Variants in CAMTA1 observed in about 807,000 individuals in gnomAD.
The protein encoded by CAMTA1 is calmodulin binding transcription activator 1, also known as calmodulin-binding transcription activator 1.
Under a neutral mutation model 170.9 loss-of-function variants are expected in CAMTA1, and 27 were observed. That is an observed-to-expected ratio of 0.16 (90% CI 0.12 to 0.22). CAMTA1 has a LOEUF of 0.22. Among genes scored for constraint, CAMTA1 ranks in the 10% least tolerant of loss-of-function variants. The pLI is 1.00. For missense variants in CAMTA1, 1,619 were observed against 2,217.2 expected (o/e 0.73, Z 5.42); for synonymous variants, 833 against 891.5 (o/e 0.93, Z 1.17).
In CAMTA1 at chr1:6,974,939, A is replaced by G. The variant is rs143258846; in HGVS notation, c.235-116365A>G. ...ATAAGGCTTGCTATCTTCCTTGGAC[A>G]AGGGGAAAATAACTCTCCTTCACTT... On this transcript the variant is annotated intron_variant, in intron 3 of 22. Coordinates refer to ENST00000303635, the MANE Select transcript of CAMTA1 (RefSeq NM_015215.4). Among the ~76,000 whole-genome samples the G allele has an allele frequency of 8.7e-4, 133 of 152,356 alleles. 1 individual carries two copies. The highest frequency in any genetic ancestry group is 3.1e-3 in the African/African-American group (128 of 41,586).
rs187824923 is a variant in CAMTA1, at chr1:6,821,766, T to C, written c.115+1516T>C. Among the ~76,000 whole-genome samples the C allele has an allele frequency of 2.6e-5, 4 of 152,298 alleles. No homozygotes were observed. The East Asian group carries it at 7.7e-4, about 29-fold the overall frequency. On this transcript the variant is annotated intron_variant, in intron 2 of 22. Coordinates refer to ENST00000303635, the MANE Select transcript of CAMTA1 (RefSeq NM_015215.4). ...TTTCGAAGGAAAAGGTCAAATACAT[T>C]TCTTTGGATTTAAGTAAAGGATTTG...
rs200511196 is a variant in CAMTA1 at position 6,935,354 on chromosome 1, A to T, written c.234+110144A>T. Among the ~76,000 whole-genome samples, 8 of 152,258 alleles carry T rather than the reference A, an allele frequency of 5.3e-5. No individual in the cohort carries two copies. The East Asian group carries it at 1.5e-3, about 29-fold the overall frequency. ...TGTGTTCACTGCCAGCTGACAAAAG[A>T]GGCGAGTCCAGATTTATTACCCTGG... On this transcript the variant is annotated intron_variant, in intron 3 of 22. Transcript: ENST00000303635.
chr1:6,886,109 C>T (rs527833301), intron 3 of CAMTA1: 35 of 406,778 alleles, frequency 8.6e-5, no homozygotes, highest in Admixed American at 1.7e-4. Context: ...CTTGAGCCCA[C>T]CATCTGCACG....
chr1:7,551,496 C>T (rs1015447170), intron 6 of CAMTA1, among the ~76,000 whole-genome samples: 1 of 152,194 alleles, frequency 6.6e-6, no homozygotes, highest in African/African-American at 2.4e-5. Flanking sequence ...TGGCCTTGAG[C>T]TCCAGAGAAC....
intron 5 of CAMTA1, among the ~76,000 whole-genome samples, chr1:7,303,031 C>T (rs901483944): frequency 2.0e-5 from 3 of 152,134 alleles, no homozygotes; most frequent in Non-Finnish European, 4.4e-5. Context: ...TGTCCTCATT[C>T]ATGACTGAGG....
intron 3 of CAMTA1, among the ~76,000 whole-genome samples, chr1:7,020,475 A>T (rs1157831110): frequency 6.6e-6 from 1 of 152,218 alleles, no homozygotes; most frequent in Non-Finnish European, 1.5e-5. Flanking sequence ...GTGTAAGTAC[A>T]CTATGATGTT....
intron 1 of CAMTA1, among the ~76,000 whole-genome samples, chr1:6,805,499 G>A (rs1051316658): frequency 6.6e-6 from 1 of 152,072 alleles, no homozygotes; most frequent in Non-Finnish European, 1.5e-5. Context: ...ATTCTGTGTG[G>A]GTTGTCTTTT....
At chr1:6,809,619 G>A (rs997412530) in intron 1 of CAMTA1, among the ~76,000 whole-genome samples, 1 of 152,076 alleles carries the variant, frequency 6.6e-6, no homozygotes, top group African/African-American at 2.4e-5. Flanking sequence ...GAATGAATCA[G>A]TTCAAAACAA....
At chr1:7,019,183 C>A (rs1045529601) in intron 3 of CAMTA1, among the ~76,000 whole-genome samples, 4 of 152,216 alleles carry the variant, frequency 2.6e-5, no homozygotes, top group African/African-American at 9.7e-5. Flanking sequence ...GTCTCTTAGT[C>A]TTCCCCTGAA....
intron 3 of CAMTA1, among the ~76,000 whole-genome samples, chr1:6,869,851 T>C (rs1255117479): frequency 1.3e-5 from 2 of 152,202 alleles, no homozygotes; most frequent in Admixed American, 6.5e-5. Flanking sequence ...TCAGGTAGTC[T>C]GGTGTCTGAA....
At chr1:7,352,924 G>A (rs1557572560) in intron 5 of CAMTA1, among the ~76,000 whole-genome samples, 1 of 152,206 alleles carries the variant, frequency 6.6e-6, no homozygotes, top group Admixed American at 6.5e-5. Context: ...ACAGGCCTAC[G>A]GTGCCTCCTC....
At chr1:7,667,876 C>T (rs1465885677) in intron 9 of CAMTA1, among the ~76,000 whole-genome samples, 3 of 152,358 alleles carry the variant, frequency 2.0e-5, no homozygotes, top group East Asian at 1.9e-4. Context: ...GCATAAGCCA[C>T]CCAGCTAGGC....
chr1:7,220,780 TG>T (rs2149126917), intron 4 of CAMTA1, among the ~76,000 whole-genome samples: 1 of 152,378 alleles, frequency 6.6e-6, no homozygotes, highest in South Asian at 2.1e-4. Flanking sequence ...AGGTGGCACC[TG>T]CTGTCCCCTG....
At chr1:7,639,123 C>T (rs1164933912) in intron 6 of CAMTA1, among the ~76,000 whole-genome samples, 1 of 152,132 alleles carries the variant, frequency 6.6e-6, no homozygotes, top group East Asian at 1.9e-4. Flanking sequence ...GGACTACAGG[C>T]GCCCGCCACC....
chr1:6,954,860 G>A (rs754397491), intron 3 of CAMTA1, among the ~76,000 whole-genome samples: 1 of 152,056 alleles, frequency 6.6e-6, no homozygotes, highest in Non-Finnish European at 1.5e-5. Flanking sequence ...TGCCTGGGAC[G>A]GGCTGGGGAG....
intron 7 of CAMTA1, among the ~76,000 whole-genome samples, chr1:7,652,660 G>A (rs954919208): frequency 2.6e-5 from 4 of 152,180 alleles, no homozygotes; most frequent in African/African-American, 9.7e-5. Flanking sequence ...CCAGCCCCTG[G>A]TGAAGGGGCC....
intron 6 of CAMTA1, among the ~76,000 whole-genome samples, chr1:7,638,189 A>G (rs1374733254): frequency 1.3e-5 from 2 of 152,184 alleles, no homozygotes; most frequent in Admixed American, 6.5e-5. Flanking sequence ...CCCAGGACTC[A>G]TGGTTGAGTC....
chr1:6,873,843 G>A lies in CAMTA1; in HGVS notation c.234+48633G>A, dbSNP rs113778087. ...TAAGCCAATGGATGTTTTTGTAAAT[G>A]TGATTCATTGAGAAAAACCTTCATT... On this transcript the variant is annotated intron_variant, in intron 3 of 22. Transcript: ENST00000303635. 4.3e-4 allele frequency among the ~76,000 whole-genome samples: 65 copies of A among 152,300 alleles called. 1 individual carries two copies. The highest frequency in any genetic ancestry group is 1.5e-3 in the African/African-American group (62 of 41,574).
chr1:6,867,341 TGAG>T (rs2148951909), intron 3 of CAMTA1, among the ~76,000 whole-genome samples: 2 of 152,282 alleles, frequency 1.3e-5, no homozygotes, highest in South Asian at 4.1e-4. Context: ...TTTTTCTTTT[TGAG>T]GAGTATTGTG....
Sources: gnomAD v4.1 joint callset for allele counts (sites outside exome capture counted in the v4.1 genomes callset) on GRCh38, gnomAD v4.1.1 for gene constraint, MANE v1.5 for transcripts, NCBI Gene and HGNC (gene_info 2026-07-23, HGNC 2026-07-21) for gene names.